The following RNF17 variants were observed in gnomAD, a reference collection of about 807,000 sequenced individuals.
RNF17 encodes the protein ring finger protein 17.
Under a neutral mutation model 200.5 loss-of-function variants are expected in RNF17, and 31 were observed. The observed-to-expected ratio is 0.15, with a 90% CI of 0.12 to 0.21. RNF17 has a LOEUF of 0.21. Among genes scored for constraint, RNF17 ranks in the 10% least tolerant of loss-of-function variants. RNF17 has a pLI of 1.00. For synonymous variants in RNF17, 606 were observed against 637.8 expected (o/e 0.95, Z 0.75); for missense variants, 1,628 against 1,905.1 (o/e 0.85, Z 2.71).
At position 24,844,862 on chromosome 13, in the gene RNF17, T is replaced by C. The variant is rs1891069321; in HGVS notation, c.2982+60T>C. 2.5e-6 allele frequency: 4 copies of C among 1,574,490 alleles called. No homozygotes were observed. The African/African-American group carries it at 4.1e-5, about 16-fold the overall frequency. On this transcript the variant is annotated intron_variant, in intron 21 of 35. Coordinates refer to ENST00000255324, the MANE Select transcript of RNF17 (RefSeq NM_031277.3). The stretch of plus-strand genomic sequence containing the variant: ...TGAATGAATGCATTTTGTATTTTTT[T>C]CCCTGGAGTTAAAACAGTTTTCATT...
chr13:24,748,027 C>A, the RNF17 span, among the ~76,000 whole-genome samples: 1 of 152,208 alleles, frequency 6.6e-6, no homozygotes, highest in African/African-American at 2.4e-5. Context: ...ACTTCCCTCC[C>A]GCTCCGGGCT....
chr13:24,753,226 TC>T, the RNF17 span, among the ~76,000 whole-genome samples: 3 of 152,172 alleles, frequency 2.0e-5, no homozygotes, highest in Non-Finnish European at 4.4e-5. Context: ...ATATTTGTGA[TC>T]CCTTTTTAAA....
intron 5 of RNF17, among the ~76,000 whole-genome samples, chr13:24,781,419 G>A (rs1882356473): frequency 6.6e-6 from 1 of 151,582 alleles, no homozygotes; most frequent in Non-Finnish European, 1.5e-5. Flanking sequence ...ATCACTTGAG[G>A]CTAGGAGTTT....
intron 35 of RNF17, among the ~76,000 whole-genome samples, 165 bp from the exon 36 acceptor site, chr13:24,879,571 CA>C (rs1349091625): frequency 6.6e-6 from 1 of 152,194 alleles, no homozygotes; most frequent in African/African-American, 2.4e-5. Context: ...ATTTTAAGCA[CA>C]TAAATATCTG....
intron 22 of RNF17, among the ~76,000 whole-genome samples, chr13:24,847,670 G>A (rs1256831381): frequency 6.6e-6 from 1 of 151,888 alleles, no homozygotes; most frequent in Non-Finnish European, 1.5e-5. Flanking sequence ...TAATAGGATA[G>A]CTTCTTTTTT....
Position 24,877,160 on chromosome 13 carries a change from G to A in RNF17, c.4747G>A (p.Gly1583Arg), listed in dbSNP as rs994785201. 2 of 1,612,826 alleles carry A rather than the reference G, an allele frequency of 1.2e-6. No homozygotes were observed. Among genetic ancestry groups the A allele is most frequent in the Non-Finnish European group, 1.7e-6 (2 of 1,179,582 alleles). The change falls in exon 34 of 36, where the codon GGA becomes AGA. Residue 1583 changes from glycine (G) to arginine (R), a missense_variant. Physicochemically the swap from Gly to Arg is moderately radical, Grantham distance 125. Around this residue, in one of 5 missense-constraint regions of RNF17, gnomAD observed 609 missense variants for 681.9 expected, o/e 0.89. Coordinates refer to ENST00000255324, the MANE Select transcript of RNF17 (RefSeq NM_031277.3). ...ALWAMIDCLQGKQLYAVSMAP... is the reference protein window; with the variant it reads ...ALWAMIDCLQRKQLYAVSMAP... The stretch of plus-strand genomic sequence containing the variant: ...GTGGGCTATGATAGACTGTCTTCAA[G>A]GAAAACAACTCTATGCTGTGTCCAT...
At chr13:24,791,219 G>A (rs1246762296) in intron 9 of RNF17, among the ~76,000 whole-genome samples, 2 of 152,146 alleles carry the variant, frequency 1.3e-5, no homozygotes, top group Non-Finnish European at 2.9e-5. Flanking sequence ...CATCATATCA[G>A]TAGACTCAGC....
chr13:24,764,380 G>A (rs1593190095), intron 1 of RNF17, 47 bp downstream of exon 1: 2 of 1,521,912 alleles, frequency 1.3e-6, no homozygotes, highest in Non-Finnish European at 1.8e-6. Flanking sequence ...CCTGGAGGGA[G>A]CGCTGGGGGC....
downstream of RNF17, chr13:24,882,270 G>GTACT (rs1251280693): frequency 8.0e-6 from 1 of 125,778 alleles, no homozygotes; most frequent in African/African-American, 3.0e-5. Context: ...AGATACATCT[G>GTACT]TACTTATATT....
At chr13:24,863,909 G>C (rs9551158) in intron 28 of RNF17, among the ~76,000 whole-genome samples, 54,920 of 152,146 alleles carry the variant, frequency 0.36, 9,975 homozygotes, top group East Asian at 0.44. Flanking sequence ...GGGAGATGCT[G>C]ACAGAGGGCC....
At chr13:24,773,198 T>C (rs1387163409) in intron 2 of RNF17, among the ~76,000 whole-genome samples, 1 of 152,210 alleles carries the variant, frequency 6.6e-6, no homozygotes, top group African/African-American at 2.4e-5. Flanking sequence ...CTTCCATTAC[T>C]GGGTATATAC....
intron 15 of RNF17, among the ~76,000 whole-genome samples, chr13:24,825,004 T>C (rs184884687): frequency 2.0e-3 from 297 of 152,262 alleles, no homozygotes; most frequent in Non-Finnish European, 3.4e-3. Context: ...ATTCAGCAGA[T>C]AGACCTTACT....
chr13:24,884,157 G>C (rs1953941416), downstream of RNF17: 5 of 1,613,986 alleles, frequency 3.1e-6, no homozygotes, highest in Middle Eastern at 1.6e-4. Context: ...GAGCAAGTTT[G>C]TACCTATTTG....
At chr13:24,815,425 CG>C (rs1212535904) in intron 15 of RNF17, among the ~76,000 whole-genome samples, 1 of 131,446 alleles carries the variant, frequency 7.6e-6, no homozygotes, top group African/African-American at 3.1e-5. Flanking sequence ...GTAGCCCTAA[CG>C]GGGTGTGTGT....
intron 6 of RNF17, among the ~76,000 whole-genome samples, chr13:24,785,144 C>G (rs1566130364): frequency 1.3e-5 from 2 of 151,806 alleles, no homozygotes; most frequent in African/African-American, 2.4e-5. Flanking sequence ...TTAGTTTGGT[C>G]TTTTTCTAGT....
intron 3 of RNF17, among the ~76,000 whole-genome samples, chr13:24,775,680 A>T (rs1024342827): frequency 9.9e-5 from 15 of 152,228 alleles, no homozygotes; most frequent in Admixed American, 2.0e-4. Context: ...CCATTGTTGT[A>T]TAAGACTTTA....
chr13:24,779,426 A>T (rs764202294), intron 4 of RNF17, among the ~76,000 whole-genome samples: 15 of 152,184 alleles, frequency 9.9e-5, no homozygotes, highest in Non-Finnish European at 1.6e-4. Context: ...CATTTAAAAA[A>T]ATATCTTTAT....
intron 27 of RNF17, among the ~76,000 whole-genome samples, chr13:24,862,458 GGT>G (rs34064485): frequency 0.97 from 147,424 of 151,790 alleles, 71,703 homozygotes; most frequent in Non-Finnish European, 1. Context: ...TTAAATGTAG[GGT>G]GTGTGTGTGT....
At chr13:24,764,891 GTGTGTGTGTGTGTGTGTGT>G (rs1879401600) in intron 1 of RNF17, among the ~76,000 whole-genome samples, 1 of 64,700 alleles carries the variant, frequency 1.5e-5, no homozygotes, top group Non-Finnish European at 3.7e-5. Context: ...CTTGTGGGGT[GTGTGTGTGTGTGTGTGTGT>G]GTGTGTGTGT....
Sources: gnomAD v4.1 joint callset for allele counts (sites outside exome capture counted in the v4.1 genomes callset) on GRCh38, gnomAD v4.1.1 for gene constraint, gnomAD v4.1.1 regional missense constraint, MANE v1.5 for transcripts, NCBI Gene and HGNC (gene_info 2026-07-23, HGNC 2026-07-21) for gene names.